Variants in POLI observed in about 807,000 individuals in gnomAD.
The protein encoded by POLI is RAD30 homolog B.
In POLI, 58 loss-of-function variants were observed where a neutral mutation model predicts 51.6. That is an observed-to-expected ratio of 1.12 (90% CI 0.91 to 1.40). The LOEUF (loss-of-function observed/expected upper bound fraction) is 1.40. Among genes scored for constraint, POLI ranks in the 40% most tolerant of loss-of-function variants. The pLI, the probability that POLI is intolerant of heterozygous loss-of-function variation, is 0.00. For synonymous variants in POLI, 322 were observed against 299.7 expected, an observed-to-expected ratio of 1.07 and a Z score of -0.77; for missense variants, 921 against 871.3, an observed-to-expected ratio of 1.06 and a Z score of -0.72.
chr18:54,301,489 A>T (rs186557830), downstream of POLI, among the ~76,000 whole-genome samples: 1 of 152,286 alleles, frequency 6.6e-6, no homozygotes, highest in East Asian at 1.9e-4. Flanking sequence ...CAACTTCATA[A>T]TGGTGCAAAA....
At chr18:54,298,795 G>A (rs922203638), downstream of POLI, among the ~76,000 whole-genome samples, 1 of 151,746 alleles carries the variant, frequency 6.6e-6, no homozygotes, top group East Asian at 1.9e-4. Flanking sequence ...CACCATGTTG[G>A]TCAGGCTGAT....
intron 3 of POLI, among the ~76,000 whole-genome samples, chr18:54,316,635 C>A (rs664075): frequency 0.25 from 37,268 of 151,870 alleles, 4,760 homozygotes; most frequent in Middle Eastern, 0.3. Flanking sequence ...TACAACAAAA[C>A]CCCAAATATG....
At chr18:54,277,434 T>C (rs566128602) in intron 3 of POLI, among the ~76,000 whole-genome samples, 10 of 152,310 alleles carry the variant, frequency 6.6e-5, no homozygotes, top group African/African-American at 2.4e-5. Context: ...ATAAAAATTA[T>C]AGGTGTAGAA....
At chr18:54,285,162 G>A (rs989706803) in intron 7 of POLI, among the ~76,000 whole-genome samples, 1 of 152,172 alleles carries the variant, frequency 6.6e-6, no homozygotes, top group East Asian at 1.9e-4. Flanking sequence ...CATGCAGCTG[G>A]GGCTGGCTGT....
At chr18:54,315,340 A>G (rs918414003) in intron 3 of POLI, among the ~76,000 whole-genome samples, 10 of 151,260 alleles carry the variant, frequency 6.6e-5, no homozygotes, top group Non-Finnish European at 1.3e-4. Context: ...GGTGATTTCA[A>G]TTTTTTTTCA....
Position 54,293,767 on chromosome 18 carries a change from A to C in POLI, c.1523A>C (p.Asn508Thr). 6.2e-7 allele frequency: 1 copy of C among 1,605,388 alleles called. No homozygotes were observed. The highest frequency in any genetic ancestry group is 8.5e-7 in the Non-Finnish European group (1 of 1,175,116). Residue 508 changes from asparagine to threonine, a missense_variant, in exon 10 of 10, where the codon AAT becomes ACT. Coordinates refer to ENST00000579534, the MANE Select transcript of POLI (RefSeq NM_007195.3). ...RTRESPLDTT[N>T]FSKEKDINEF... ...AGGGAGTCTCCACTAGATACCACAAATTTTTCTAAAGAAAAAGACATTAAT... is the reference window on the plus strand; with the variant it reads ...AGGGAGTCTCCACTAGATACCACAACTTTTTCTAAAGAAAAAGACATTAAT...
chr18:54,292,082 T>C lies in POLI; in HGVS notation c.1404+44T>C, dbSNP rs776764697. 87 of 1,154,378 alleles carry C rather than the reference T, an allele frequency of 7.5e-5. No individual in the cohort carries two copies. In the Admixed American group the frequency reaches 8.1e-4, roughly 11 times the overall value. 71.5% of individuals were successfully genotyped at this position (1,154,378 alleles called of 1,614,324 possible). A position where few individuals can be genotyped will look rare whatever the true frequency, so the allele number is the denominator to read the frequency against. ...GTTCAGTTTTCTAAGTATACTCTTA[T>C]GGGATTTGTGTGGTTACATTACAAA... On this transcript the variant is annotated intron_variant, in intron 9 of 9. Transcript: ENST00000579534.
chr18:54,269,764 GC>G, intron 1 of POLI, 103 bp downstream of exon 1: 2 of 1,394,040 alleles, frequency 1.4e-6, no homozygotes, highest in South Asian at 1.6e-5. Context: ...GACCGTCCCC[GC>G]CCCACTCGGC....
At chr18:54,305,452 T>TAA (rs763987030) in intron 3 of POLI, among the ~76,000 whole-genome samples, 10 of 152,176 alleles carry the variant, frequency 6.6e-5, no homozygotes, top group Non-Finnish European at 1.3e-4. Flanking sequence ...CAGTGGTTTG[T>TAA]AGTTCTTGAA....
chr18:54,304,130 T>C (rs1476462064), intron 3 of POLI, among the ~76,000 whole-genome samples: 1 of 152,194 alleles, frequency 6.6e-6, no homozygotes, highest in Admixed American at 6.5e-5. Context: ...ATGGTATATA[T>C]GTGACACATT....
chr18:54,277,243 T>C (rs1373366716), intron 3 of POLI, among the ~76,000 whole-genome samples: 1 of 152,230 alleles, frequency 6.6e-6, no homozygotes, highest in East Asian at 1.9e-4. Context: ...TTTTATTCAG[T>C]AATAATTGGA....
chr18:54,295,359 C>CT lies in POLI; in HGVS notation c.*895dup. ...CCATTACTAAATTGGTGGATGTCCT[C>CT]TTTCTCCCATTGTTATTGCCTTCCT... On this transcript the variant is annotated 3_prime_UTR_variant, in exon 10 of 10. Coordinates refer to ENST00000579534, the MANE Select transcript of POLI (RefSeq NM_007195.3). The CT allele has an allele frequency of 1.0e-6, 1 of 984,680 alleles. No homozygotes were observed. The highest frequency in any genetic ancestry group is 1.2e-6 in the Non-Finnish European group (1 of 829,268). 61.0% of individuals were successfully genotyped at this position (984,680 alleles called of 1,614,324 possible).
At chr18:54,283,490 C>G (rs770417164) in intron 6 of POLI, among the ~76,000 whole-genome samples, 2 of 152,106 alleles carry the variant, frequency 1.3e-5, no homozygotes, top group Admixed American at 6.6e-5. Context: ...TTCCTTCTTA[C>G]TTCTCTTCTT....
chr18:54,283,125 T>C, intron 6 of POLI, 110 bp downstream of exon 6: 1 of 603,408 alleles, frequency 1.7e-6, no homozygotes, highest in East Asian at 2.8e-5. Context: ...TAGTATGTGA[T>C]CCCTTTCCTA....
In POLI at chr18:54,273,934, C is replaced by T. The variant is rs764852630; in HGVS notation, c.250C>T (p.Gln84Ter). 2.6e-6 allele frequency: 4 copies of T among 1,527,590 alleles called. No individual in the cohort carries two copies. The highest frequency in any genetic ancestry group is 3.5e-6 in the Non-Finnish European group (4 of 1,137,490). 94.6% of individuals were successfully genotyped at this position (1,527,590 alleles called of 1,614,324 possible). Residue 84 changes from glutamine (Q) to a stop codon, truncating the protein, a stop_gained, in exon 3 of 10, where the codon CAG becomes TAG. Coordinates refer to ENST00000579534, the MANE Select transcript of POLI (RefSeq NM_007195.3). LOFTEE classifies it high-confidence loss of function. Reference protein sequence around the residue: ...ELKDKPLGVQQKYLVVTCNYE... With the variant: ...ELKDKPLGVQ ...TAAAATATTTTTTACAGGGGTTCAA[C>T]AGAAATATTTGGTGGTTACCTGCAA... is the stretch of plus-strand genomic sequence containing the variant.
At chr18:54,320,757 G>A (rs767392106) in intron 4 of POLI, among the ~76,000 whole-genome samples, 4 of 151,524 alleles carry the variant, frequency 2.6e-5, no homozygotes, top group African/African-American at 4.8e-5. Flanking sequence ...AAATGCTATC[G>A]ATTATGATAT....
At chr18:54,269,992 C>G (rs979231532) in intron 1 of POLI, 12 of 1,075,876 alleles carry the variant, frequency 1.1e-5, no homozygotes, top group Non-Finnish European at 1.2e-5. Context: ...GGCCTTTTAA[C>G]TTTGGAGAAG....
rs1352361898 is a variant in POLI at position 54,269,679 on chromosome 18, G to A, written c.115+18G>A. ...CTCGCAGGGTGCGCCGCAGCCAGAG[G>A]AGCCAGCGGCCTCCTTGGGTGTAAA... On this transcript the variant is annotated intron_variant, in intron 1 of 9. Coordinates refer to ENST00000579534, the MANE Select transcript of POLI (RefSeq NM_007195.3). 5 of 1,496,016 alleles carry A rather than the reference G, an allele frequency of 3.3e-6. No individual in the cohort carries two copies. The South Asian group carries it at 3.7e-5, about 11-fold the overall frequency. The allele number at this position is 1,496,016 out of a possible 1,614,324, so 92.7% of individuals were successfully genotyped here.
intron 3 of POLI, among the ~76,000 whole-genome samples, chr18:54,318,406 C>T (rs1014912033): frequency 2.0e-5 from 3 of 152,030 alleles, no homozygotes; most frequent in Non-Finnish European, 4.4e-5. Context: ...TGGTGAAGTT[C>T]GTTTTCATTG....
Sources: gnomAD v4.1 joint callset for allele counts (sites outside exome capture counted in the v4.1 genomes callset) on GRCh38, gnomAD v4.1.1 for gene constraint, MANE v1.5 for transcripts, NCBI Gene and HGNC (gene_info 2026-07-23, HGNC 2026-07-21) for gene names.